IL17RD: variants seen among roughly 807,000 people sequenced by gnomAD.
IL17RD encodes interleukin-17 receptor D.
A neutral mutation model predicts 80.5 loss-of-function variants in IL17RD; 52 were observed. The observed-to-expected ratio is 0.65, with a 90% CI of 0.52 to 0.81. The LOEUF (loss-of-function observed/expected upper bound fraction) is 0.81. Among genes scored for constraint, IL17RD ranks in the 40% least tolerant of loss-of-function variants. The probability of loss-of-function intolerance (pLI) is 0.00; values close to 1 mark genes in which losing one functional copy is unlikely to be tolerated. For synonymous variants in IL17RD, 416 were observed against 391.8 expected (o/e 1.06, Z -0.73); for missense variants, 1,024 against 955.1 (o/e 1.07, Z -0.95).
intron 1 of IL17RD, among the ~76,000 whole-genome samples, chr3:57,148,329 AAAAAAAAAAAAG>A (rs1707980227): frequency 6.6e-6 from 1 of 151,526 alleles, no homozygotes; most frequent in Non-Finnish European, 1.5e-5. Context: ...TATCTCAAAA[AAAAAAAAAAAAG>A]AAAAGAAAAA....
At chr3:57,142,889 A>G (rs928721879) in intron 1 of IL17RD, among the ~76,000 whole-genome samples, 2 of 152,166 alleles carry the variant, frequency 1.3e-5, no homozygotes, top group African/African-American at 2.4e-5. Context: ...CCTCAACCCA[A>G]TGATTTCATT....
At chr3:57,159,234 C>T (rs1368446505) in intron 1 of IL17RD, among the ~76,000 whole-genome samples, 1 of 151,938 alleles carries the variant, frequency 6.6e-6, no homozygotes, top group East Asian at 1.9e-4. Context: ...CTCAAAGATT[C>T]CCCCCTTGGA....
upstream of IL17RD, among the ~76,000 whole-genome samples, chr3:57,168,649 T>C (rs1318443284): frequency 9.6e-6 from 1 of 104,480 alleles, no homozygotes; most frequent in African/African-American, 4.5e-5. Context: ...CTCTGTATTC[T>C]GGTCTTTCCC....
Position 57,093,033 on chromosome 3 carries a change from A to C in IL17RD, c.*3360T>G, listed in dbSNP as rs1405133917. ...TTTCTTGAAAAATGGGAAGATCAGG[A>C]AGTACTTCATGGCCACAGTCGACTG... On this transcript the variant is annotated 3_prime_UTR_variant, in exon 13 of 13. Coordinates refer to ENST00000296318, the MANE Select transcript of IL17RD (RefSeq NM_017563.5). 1 of 152,148 alleles carries C rather than the reference A, an allele frequency of 6.6e-6. No homozygotes were observed. Among genetic ancestry groups the C allele is most frequent in the African/African-American group, 2.4e-5 (1 of 41,430 alleles). The allele number at this position is 152,148 out of a possible 1,614,324, so 9.4% of individuals were successfully genotyped here.
chr3:57,154,930 G>A (rs187370891), intron 1 of IL17RD, among the ~76,000 whole-genome samples: 4 of 152,204 alleles, frequency 2.6e-5, no homozygotes, highest in African/African-American at 4.8e-5. Flanking sequence ...AAAAAAGCCC[G>A]GGAAGTCACT....
chr3:57,120,367 C>G, intron 1 of IL17RD, 54 bp from the exon 2 acceptor site: 1 of 1,323,982 alleles, frequency 7.6e-7, no homozygotes, highest in Non-Finnish European at 1.1e-6. Context: ...GCTCTTCCAA[C>G]ACAAAGCCCC....
chr3:57,147,495 C>T (rs1402896741), intron 1 of IL17RD, among the ~76,000 whole-genome samples: 2 of 152,160 alleles, frequency 1.3e-5, no homozygotes, highest in African/African-American at 4.8e-5. Flanking sequence ...GAAATGAGAG[C>T]CACAAATCCT....
chr3:57,149,038 G>A (rs762799559), intron 1 of IL17RD, among the ~76,000 whole-genome samples: 7 of 152,196 alleles, frequency 4.6e-5, no homozygotes, highest in East Asian at 1.9e-4. Context: ...CTGGCCAGGC[G>A]TGGTGGCTCA....
At chr3:57,156,118 G>A (rs1192423369) in intron 1 of IL17RD, among the ~76,000 whole-genome samples, 1 of 152,196 alleles carries the variant, frequency 6.6e-6, no homozygotes, top group Non-Finnish European at 1.5e-5. Flanking sequence ...ACATGGAGCT[G>A]ACACTGCAAC....
intron 7 of IL17RD, among the ~76,000 whole-genome samples, chr3:57,105,555 AT>A: frequency 7.9e-6 from 1 of 126,376 alleles, no homozygotes; most frequent in African/African-American, 3.8e-5. Flanking sequence ...AAAAAAAAAT[AT>A]ATATATATAT....
At chr3:57,136,632 A>AACCC (rs1707733694) in intron 1 of IL17RD, among the ~76,000 whole-genome samples, 6 of 81,102 alleles carry the variant, frequency 7.4e-5, no homozygotes, top group Non-Finnish European at 9.7e-5. Flanking sequence ...CCCGCCCCCA[A>AACCC]CCCCCACTCA....
intron 1 of IL17RD, chr3:57,164,926 C>A: frequency 7.8e-7 from 1 of 1,275,980 alleles, no homozygotes; most frequent in South Asian, 2.0e-5. Context: ...GCGGCCGCAC[C>A]TCATTAGCAA....
chr3:57,165,764 C>A (rs2060345391), upstream of IL17RD, among the ~76,000 whole-genome samples: 1 of 152,120 alleles, frequency 6.6e-6, no homozygotes, highest in African/African-American at 2.4e-5. Flanking sequence ...CAGTTTTAGG[C>A]GCAGAAAAGT....
rs140226499 is a variant in IL17RD, at chr3:57,122,130, G to C, written c.127-1817C>G. ...TATATAGCAAGGGTGAAAGAGCCTGGCATAAGTAAGTACAGTGTATGAAAT... is the reference window on the plus strand; with the variant it reads ...TATATAGCAAGGGTGAAAGAGCCTGCCATAAGTAAGTACAGTGTATGAAAT... On this transcript the variant is annotated intron_variant, in intron 1 of 12. Coordinates refer to ENST00000296318, the MANE Select transcript of IL17RD (RefSeq NM_017563.5). Among the ~76,000 whole-genome samples, 261 of 152,292 alleles carry C rather than the reference G, an allele frequency of 1.7e-3. 2 individuals are homozygous for C. The highest frequency in any genetic ancestry group is 6.2e-3 in the African/African-American group (256 of 41,560).
Position 57,090,038 on chromosome 3 carries a change from A to T in IL17RD, c.*6355T>A, listed in dbSNP as rs1706519052. 6.5e-6 allele frequency: 1 copy of T among 152,686 alleles called. No homozygotes were observed. Among genetic ancestry groups the T allele is most frequent in the Non-Finnish European group, 1.5e-5 (1 of 68,048 alleles). 9.5% of individuals were successfully genotyped at this position (152,686 alleles called of 1,614,324 possible). On this transcript the variant is annotated 3_prime_UTR_variant, in exon 13 of 13. Transcript: ENST00000296318. Reference sequence around the variant, plus strand: ...TTCTAAGGTACAAAAACATTTTGTAAATGTCAGCTGTGATCTACTTTCACC... The same window carrying T: ...TTCTAAGGTACAAAAACATTTTGTATATGTCAGCTGTGATCTACTTTCACC...
At chr3:57,135,712 A>G (rs1707710590) in intron 1 of IL17RD, among the ~76,000 whole-genome samples, 2 of 152,212 alleles carry the variant, frequency 1.3e-5, no homozygotes, top group African/African-American at 4.8e-5. Context: ...GGAAATAACA[A>G]AAAGAGCCTA....
At chr3:57,152,161 C>G (rs1023602208) in intron 1 of IL17RD, among the ~76,000 whole-genome samples, 1 of 152,080 alleles carries the variant, frequency 6.6e-6, no homozygotes, top group South Asian at 2.1e-4. Flanking sequence ...CCAGAGCAAA[C>G]GAGACCAAGC....
At chr3:57,154,283 T>TACACACACACACACACACACAC (rs1553628627) in intron 1 of IL17RD, among the ~76,000 whole-genome samples, 30 of 112,840 alleles carry the variant, frequency 2.7e-4, no homozygotes, top group African/African-American at 8.9e-4. Context: ...TATATATATA[T>TACACACACACACACACACACAC]ACACACACAC....
Position 57,096,379 on chromosome 3 carries a change from A to T in IL17RD, c.*14T>A, listed in dbSNP as rs765465147. 2 of 1,577,342 alleles carry T rather than the reference A, an allele frequency of 1.3e-6. No individual in the cohort carries two copies. Among genetic ancestry groups the T allele is most frequent in the Non-Finnish European group, 1.7e-6 (2 of 1,146,504 alleles). ...CAGCAGCTAAAGTGGCAATGCTTAG[A>T]CTCTTTCGTTTTGTTACAAAGGGGC... On this transcript the variant is annotated 3_prime_UTR_variant, in exon 13 of 13. Transcript: ENST00000296318.
Sources: gnomAD v4.1 joint callset for allele counts (sites outside exome capture counted in the v4.1 genomes callset) on GRCh38, gnomAD v4.1.1 for gene constraint, MANE v1.5 for transcripts, NCBI Gene and HGNC (gene_info 2026-07-23, HGNC 2026-07-21) for gene names.